SGK3: variants seen among roughly 807,000 people sequenced by gnomAD.
SGK3 encodes the protein serum/glucocorticoid regulated kinase family member 3, also known as serine/threonine-protein kinase Sgk3.
A neutral mutation model predicts 68.5 loss-of-function variants in SGK3; 47 were observed. That is an observed-to-expected ratio of 0.69 (90% confidence interval 0.54 to 0.87). The LOEUF (loss-of-function observed/expected upper bound fraction) is 0.87. Among genes scored for constraint, SGK3 ranks in the 40% least tolerant of loss-of-function variants. SGK3 has a pLI of 0.00. For synonymous variants in SGK3, 181 were observed against 189.1 expected (o/e 0.96, Z 0.35); for missense variants, 479 against 575.5 (o/e 0.83, Z 1.72).
intron 1 of SGK3, among the ~76,000 whole-genome samples, chr8:66,759,148 C>T (rs1450808284): frequency 2.7e-5 from 4 of 148,306 alleles, no homozygotes; most frequent in East Asian, 2.0e-4. Flanking sequence ...TGCAGTAGCA[C>T]GATCTCAGCT....
intron 5 of SGK3, 28 bp from the exon 6 acceptor site, chr8:66,822,344 T>C: frequency 6.3e-7 from 1 of 1,587,618 alleles, no homozygotes; most frequent in East Asian, 2.3e-5. Context: ...GCTTTTGAAG[T>C]TATAATAAAG....
intron 5 of SGK3, among the ~76,000 whole-genome samples, chr8:66,816,820 C>T (rs923396789): frequency 6.6e-6 from 1 of 151,920 alleles, no homozygotes; most frequent in African/African-American, 2.4e-5. Context: ...GTTAAGGAAA[C>T]GTACTTTATT....
intron 4 of SGK3, among the ~76,000 whole-genome samples, chr8:66,807,649 T>G (rs1198216179): frequency 6.6e-6 from 1 of 152,208 alleles, no homozygotes; most frequent in African/African-American, 2.4e-5. Context: ...TTGGTTATAC[T>G]TTGGGGATAC....
intron 4 of SGK3, among the ~76,000 whole-genome samples, chr8:66,808,982 G>A (rs1367473844): frequency 1.3e-5 from 2 of 151,870 alleles, no homozygotes; most frequent in African/African-American, 4.8e-5. Flanking sequence ...CGATTCTCCT[G>A]TCTCAGCCTC....
At position 66,744,509 on chromosome 8, in the gene SGK3, A is replaced by G. The variant is rs1443363565; in HGVS notation, c.-122+31676A>G. Among the ~76,000 whole-genome samples the G allele has an allele frequency of 2.4e-3, 60 of 25,072 alleles. 2 individuals carry two copies. Among genetic ancestry groups the G allele is most frequent in the African/African-American group, 0.013 (53 of 4,084 alleles). 16.4% of individuals were successfully genotyped at this position (25,072 alleles called of 152,430 possible). ...TATATATATATATATATATATATAT[A>G]TATATATATATTTTTTTTTTTTTTT... On this transcript the variant is annotated intron_variant, in intron 1 of 16. Coordinates refer to ENST00000521198, the MANE Select transcript of SGK3 (RefSeq NM_001033578.3).
intron 1 of SGK3, among the ~76,000 whole-genome samples, chr8:66,731,329 G>A (rs1017441968): frequency 1.3e-5 from 2 of 151,976 alleles, no homozygotes; most frequent in African/African-American, 4.8e-5. Flanking sequence ...CTTTTTCCTT[G>A]TTGATCTTCT....
Position 66,821,517 on chromosome 8 carries a change from A to AT in SGK3, c.330-842dup, listed in dbSNP as rs773961768. On this transcript the variant is annotated intron_variant, in intron 5 of 16. Coordinates refer to ENST00000521198, the MANE Select transcript of SGK3 (RefSeq NM_001033578.3). The stretch of plus-strand genomic sequence containing the variant: ...ATGCCTTTCACTGGACCTGCACATA[A>AT]TTTTTTTTTTTTTGAGACAGAGTCT... Among the ~76,000 whole-genome samples the AT allele has an allele frequency of 2.5e-3, 359 of 143,974 alleles. 2 individuals are homozygous for AT. Among genetic ancestry groups the AT allele is most frequent in the African/African-American group, 4.6e-3 (181 of 39,656 alleles). The allele number at this position is 143,974 out of a possible 152,430, so 94.5% of individuals were successfully genotyped here.
At chr8:66,837,385 A>T (rs1291972560) in intron 10 of SGK3, among the ~76,000 whole-genome samples, 1 of 152,232 alleles carries the variant, frequency 6.6e-6, no homozygotes, top group African/African-American at 2.4e-5. Flanking sequence ...AAGGAAAATT[A>T]GTTAATATTC....
chr8:66,857,639 G>A (rs1810566411), intron 16 of SGK3, among the ~76,000 whole-genome samples: 2 of 152,068 alleles, frequency 1.3e-5, no homozygotes, highest in Non-Finnish European at 1.5e-5. Context: ...AAATAAGCCA[G>A]GTATAGTGAC....
At chr8:66,723,425 CAA>C (rs1432724383) in intron 1 of SGK3, among the ~76,000 whole-genome samples, 5 of 151,496 alleles carry the variant, frequency 3.3e-5, no homozygotes, top group Admixed American at 2.0e-4. Context: ...GCCTGGGCAA[CAA>C]GAGTGAAACT....
intron 1 of SGK3, among the ~76,000 whole-genome samples, chr8:66,750,304 C>T (rs1030639489): frequency 6.6e-6 from 1 of 152,032 alleles, no homozygotes; most frequent in African/African-American, 2.4e-5. Context: ...ATTCTTATAA[C>T]AATCTAACAT....
chr8:66,745,456 C>T (rs1805625934), intron 1 of SGK3, among the ~76,000 whole-genome samples: 1 of 152,082 alleles, frequency 6.6e-6, no homozygotes, highest in Admixed American at 6.6e-5. Flanking sequence ...CGCCTGTAGT[C>T]CCAGCTACTC....
At chr8:66,827,166 G>T (rs996076229) in intron 6 of SGK3, among the ~76,000 whole-genome samples, 11 of 151,648 alleles carry the variant, frequency 7.3e-5, no homozygotes, top group African/African-American at 2.4e-4. Flanking sequence ...TGGATCATCT[G>T]AGGTCAGGAG....
intron 1 of SGK3, among the ~76,000 whole-genome samples, chr8:66,753,451 T>C (rs1805882852): frequency 1.3e-5 from 2 of 152,206 alleles, no homozygotes; most frequent in Admixed American, 6.6e-5. Flanking sequence ...AGGAGAGGAC[T>C]AGGGGAAGAT....
chr8:66,822,561 G>T (rs1808887619), intron 6 of SGK3, 102 bp downstream of exon 6: 1 of 1,121,618 alleles, frequency 8.9e-7, no homozygotes, highest in South Asian at 1.5e-5. Context: ...TTCATCCATA[G>T]TAGAGTTTCT....
chr8:66,820,477 C>T (rs1326816354), intron 5 of SGK3, among the ~76,000 whole-genome samples: 1 of 152,002 alleles, frequency 6.6e-6, no homozygotes, highest in Admixed American at 6.6e-5. Context: ...GGGATATTTC[C>T]ACTTTTTGGC....
At chr8:66,766,040 T>C (rs1806306356) in intron 1 of SGK3, among the ~76,000 whole-genome samples, 2 of 151,272 alleles carry the variant, frequency 1.3e-5, no homozygotes, top group South Asian at 4.2e-4. Context: ...AAAAAAAAAT[T>C]GGATTTTTCC....
chr8:66,847,006 T>G (rs962133628), intron 14 of SGK3, among the ~76,000 whole-genome samples, 187 bp from the exon 15 acceptor site: 1 of 152,238 alleles, frequency 6.6e-6, no homozygotes. Flanking sequence ...GAACACTTAT[T>G]AAGCTCTGTG....
intron 1 of SGK3, among the ~76,000 whole-genome samples, chr8:66,714,541 CAG>C (rs908629079): frequency 3.7e-4 from 56 of 152,218 alleles, no homozygotes; most frequent in African/African-American, 1.3e-3. Flanking sequence ...TTTAACTTTT[CAG>C]AGAGATGATT....
Sources: gnomAD v4.1 joint callset for allele counts (sites outside exome capture counted in the v4.1 genomes callset) on GRCh38, gnomAD v4.1.1 for gene constraint, MANE v1.5 for transcripts, NCBI Gene and HGNC (gene_info 2026-07-23, HGNC 2026-07-21) for gene names.